Variants in NRG3 observed in about 807,000 individuals in gnomAD.
The protein encoded by NRG3 is neuregulin 3, also known as pro-neuregulin-3, membrane-bound isoform.
In NRG3, 31 loss-of-function variants were observed where a neutral mutation model predicts 66.9. That is an observed-to-expected ratio of 0.46 (90% CI 0.35 to 0.63). The LOEUF (loss-of-function observed/expected upper bound fraction) is 0.63, where lower values mean the gene tolerates loss of function less well. Among genes scored for constraint, NRG3 ranks in the 20% least tolerant of loss-of-function variants. The pLI is 0.00. For synonymous variants in NRG3, 393 were observed against 359.4 expected (o/e 1.09, Z -1.06); for missense variants, 910 against 878.9 (o/e 1.04, Z -0.45).
chr10:81,881,368 T>C (rs1842167222), intron 1 of NRG3, among the ~76,000 whole-genome samples: 1 of 152,124 alleles, frequency 6.6e-6, no homozygotes, highest in Non-Finnish European at 1.5e-5. Context: ...AATACTCCTT[T>C]AGGGAACTGA....
intron 2 of NRG3, among the ~76,000 whole-genome samples, chr10:82,675,204 A>C (rs996988121): frequency 2.0e-5 from 3 of 151,942 alleles, no homozygotes; most frequent in Admixed American, 6.6e-5. Flanking sequence ...TGGTCCGCCC[A>C]CCTCGGCCTC....
At chr10:82,899,113 T>C (rs1843963460) in intron 4 of NRG3, among the ~76,000 whole-genome samples, 1 of 152,090 alleles carries the variant, frequency 6.6e-6, no homozygotes, top group Admixed American at 6.5e-5. Flanking sequence ...TGTATCTAAA[T>C]TTATTCATAG....
intron 2 of NRG3, among the ~76,000 whole-genome samples, chr10:82,533,394 G>A (rs1458860514): frequency 1.3e-5 from 2 of 151,172 alleles, no homozygotes; most frequent in Non-Finnish European, 2.9e-5. Context: ...TTTCCCCTAA[G>A]TTTTCTTTTA....
intron 2 of NRG3, among the ~76,000 whole-genome samples, chr10:82,687,420 G>A (rs1016291393): frequency 6.6e-6 from 1 of 152,152 alleles, no homozygotes. Flanking sequence ...AGGTCAAATC[G>A]TTTTAGTACT....
At chr10:82,822,802 A>C (rs935308797) in intron 3 of NRG3, among the ~76,000 whole-genome samples, 1 of 152,028 alleles carries the variant, frequency 6.6e-6, no homozygotes, top group African/African-American at 2.4e-5. Flanking sequence ...GACCACAGAG[A>C]ACCCAGACAA....
chr10:82,536,762 T>C (rs770466848), intron 2 of NRG3, among the ~76,000 whole-genome samples: 3 of 152,084 alleles, frequency 2.0e-5, no homozygotes, highest in Non-Finnish European at 4.4e-5. Flanking sequence ...CTACCTCTGT[T>C]GGCTGATTAA....
intron 1 of NRG3, among the ~76,000 whole-genome samples, chr10:82,088,314 C>T (rs188028315): frequency 2.0e-5 from 3 of 152,074 alleles, no homozygotes; most frequent in Admixed American, 6.6e-5. Flanking sequence ...GAGTACTACT[C>T]AATACCCAAC....
At chr10:82,013,701 T>A (rs2061673473) in intron 1 of NRG3, among the ~76,000 whole-genome samples, 1 of 151,792 alleles carries the variant, frequency 6.6e-6, no homozygotes, top group Non-Finnish European at 1.5e-5. Flanking sequence ...TTATAGAATT[T>A]TAAAATAGTA....
intron 3 of NRG3, among the ~76,000 whole-genome samples, chr10:82,779,081 G>A (rs1023678594): frequency 1.3e-5 from 2 of 152,186 alleles, no homozygotes; most frequent in African/African-American, 4.8e-5. Flanking sequence ...CAAGGGCTCC[G>A]GTTTCAAGAT....
At chr10:82,525,038 T>C (rs1323712878) in intron 2 of NRG3, among the ~76,000 whole-genome samples, 1 of 151,918 alleles carries the variant, frequency 6.6e-6, no homozygotes, top group Non-Finnish European at 1.5e-5. Context: ...AACCTATTCT[T>C]ATCATGACAA....
At chr10:82,592,361 G>T (rs921634574) in intron 2 of NRG3, among the ~76,000 whole-genome samples, 1 of 152,138 alleles carries the variant, frequency 6.6e-6, no homozygotes, top group African/African-American at 2.4e-5. Context: ...ATGTGGGGAG[G>T]TTTTCTGGGG....
At chr10:81,954,047 T>C (rs543720703) in intron 1 of NRG3, among the ~76,000 whole-genome samples, 1 of 152,334 alleles carries the variant, frequency 6.6e-6, no homozygotes, top group East Asian at 1.9e-4. Flanking sequence ...GCTTTATCTT[T>C]TATATCTTTA....
intron 2 of NRG3, among the ~76,000 whole-genome samples, chr10:82,561,825 T>G (rs558856341): frequency 2.6e-4 from 39 of 152,266 alleles, no homozygotes; most frequent in African/African-American, 9.1e-4. Context: ...CTAGAGAAAT[T>G]GAGAGGAAAA....
intron 1 of NRG3, among the ~76,000 whole-genome samples, chr10:82,288,957 G>A (rs960181282): frequency 3.9e-5 from 6 of 152,128 alleles, no homozygotes; most frequent in African/African-American, 1.2e-4. Flanking sequence ...CTGGACTTGG[G>A]CACCTCTTCC....
At chr10:82,034,236 T>C (rs1012446217) in intron 1 of NRG3, among the ~76,000 whole-genome samples, 1 of 152,154 alleles carries the variant, frequency 6.6e-6, no homozygotes, top group Admixed American at 6.5e-5. Flanking sequence ...ACAGAGACCA[T>C]ATACATGACC....
At chr10:82,979,372 A>G (rs558947685) in intron 8 of NRG3, among the ~76,000 whole-genome samples, 1 of 152,224 alleles carries the variant, frequency 6.6e-6, no homozygotes, top group South Asian at 2.1e-4. Context: ...TCTCTAGGCA[A>G]TATGTTATTA....
intron 2 of NRG3, among the ~76,000 whole-genome samples, chr10:82,371,946 C>T (rs1446308518): frequency 2.0e-5 from 3 of 152,082 alleles, no homozygotes; most frequent in African/African-American, 7.2e-5. Context: ...TCCCAATAGG[C>T]CCCTCCTCCC....
At chr10:82,030,610 A>G (rs1190359598) in intron 1 of NRG3, among the ~76,000 whole-genome samples, 1 of 151,946 alleles carries the variant, frequency 6.6e-6, no homozygotes, top group Non-Finnish European at 1.5e-5. Flanking sequence ...GCTACTCAGC[A>G]CTTTAATGGA....
At chr10:82,399,538 T>C (rs2086938869) in intron 2 of NRG3, among the ~76,000 whole-genome samples, 1 of 152,180 alleles carries the variant, frequency 6.6e-6, no homozygotes, top group African/African-American at 2.4e-5. Flanking sequence ...TCAGGGTGCC[T>C]ACATGGCCTG....
Sources: allele counts gnomAD v4.1 joint callset (sites outside exome capture counted in the v4.1 genomes callset), GRCh38; gene constraint gnomAD v4.1.1; transcripts MANE v1.5; gene names NCBI Gene and HGNC (gene_info 2026-07-23, HGNC 2026-07-21).